ALPL: variants seen among roughly 807,000 people sequenced by gnomAD.
ALPL encodes alkaline phosphatase, biomineralization associated.
A neutral mutation model predicts 51.3 loss-of-function variants in ALPL; 42 were observed. The ratio of observed to expected loss-of-function variants is 0.82; its 90% CI spans 0.64 to 1.06. The LOEUF (loss-of-function observed/expected upper bound fraction) is 1.06, where lower values mean the gene tolerates loss of function less well. Among genes scored for constraint, ALPL ranks in the 50% least tolerant of loss-of-function variants. ALPL has a pLI of 0.00. For missense variants in ALPL, 589 were observed against 709.4 expected (o/e 0.83, Z 1.93); for synonymous variants, 279 against 296.4 (o/e 0.94, Z 0.60).
chr1:21,552,106 T>TACTCC (rs1644335078), intron 1 of ALPL, among the ~76,000 whole-genome samples: 1 of 33,814 alleles, frequency 3.0e-5, no homozygotes, highest in African/African-American at 1.5e-4. Flanking sequence ...CCCTTCCCTT[T>TACTCC]CCTCCCCTTC....
intron 1 of ALPL, among the ~76,000 whole-genome samples, chr1:21,534,893 C>T (rs1212669002): frequency 6.6e-6 from 1 of 152,140 alleles, no homozygotes; most frequent in African/African-American, 2.4e-5. Flanking sequence ...CTTGGTGAGA[C>T]CTTCTCTGAT....
Position 21,554,339 on chromosome 1 carries a change from T to TATAC in ALPL, c.61+198_61+199insTACA, listed in dbSNP as rs1553410745. 2.2e-3 allele frequency among the ~76,000 whole-genome samples: 325 copies of TATAC among 149,628 alleles called. 4 individuals are homozygous for TATAC. The East Asian group carries it at 0.022, about 10-fold the overall frequency. ...CACTCTTTTCCCATATATATATATA[T>TATAC]ACACACATACACATATATGAAATAT... is the stretch of plus-strand genomic sequence containing the variant. On this transcript the variant is annotated intron_variant, in intron 2 of 11. Coordinates refer to ENST00000374840, the MANE Select transcript of ALPL (RefSeq NM_000478.6).
chr1:21,554,831 T>C (rs556640272), intron 2 of ALPL, among the ~76,000 whole-genome samples: 2 of 131,736 alleles, frequency 1.5e-5, no homozygotes, highest in Non-Finnish European at 3.2e-5. Context: ...CTTTCTTTCT[T>C]TCTTTCTTTC....
chr1:21,558,955 C>A (rs1183058008), intron 2 of ALPL, among the ~76,000 whole-genome samples: 1 of 152,228 alleles, frequency 6.6e-6, no homozygotes, highest in Non-Finnish European at 1.5e-5. Flanking sequence ...TGGTGCCCAC[C>A]TGCCAAGGCA....
At chr1:21,539,026 C>G (rs1644147055) in intron 1 of ALPL, among the ~76,000 whole-genome samples, 1 of 152,218 alleles carries the variant, frequency 6.6e-6, no homozygotes, top group Non-Finnish European at 1.5e-5. Context: ...AATCAAATAG[C>G]AGCTGCACGC....
intron 1 of ALPL, among the ~76,000 whole-genome samples, chr1:21,539,804 G>A (rs1241031634): frequency 2.0e-5 from 3 of 151,956 alleles, no homozygotes; most frequent in African/African-American, 4.8e-5. Context: ...ACAGGTGCCC[G>A]CCACCCAGCC....
rs1558547400 is a variant in ALPL, at chr1:21,560,759, G to A, written c.181+14G>A. On this transcript the variant is annotated intron_variant, in intron 3 of 11. Coordinates refer to ENST00000374840, the MANE Select transcript of ALPL (RefSeq NM_000478.6). Reference sequence around the variant, plus strand: ...TCCTGGGAGATGGTGAGGCCCAGGGGCCTGTGGGAGGGGTGGAACAGGACA... The same window carrying A: ...TCCTGGGAGATGGTGAGGCCCAGGGACCTGTGGGAGGGGTGGAACAGGACA... The A allele has an allele frequency of 1.9e-6, 3 of 1,614,032 alleles. No homozygotes were observed. Among genetic ancestry groups the A allele is most frequent in the Non-Finnish European group, 2.5e-6 (3 of 1,179,996 alleles).
chr1:21,553,947 A>G, intron 1 of ALPL, 31 bp from the exon 2 acceptor site: 1 of 768,968 alleles, frequency 1.3e-6, no homozygotes, highest in Non-Finnish European at 2.3e-6. Context: ...TGTGCCCCAC[A>G]TGCCTCTTTT....
rs866215694 is a variant in ALPL at position 21,509,684 on chromosome 1, G to T, written c.-105+167G>T. ...GCCCATTCGGGACGCCCTGCAATTGGTCCTGCCCCTGTCCTCCCGCGCATC... is the reference window on the plus strand; with the variant it reads ...GCCCATTCGGGACGCCCTGCAATTGTTCCTGCCCCTGTCCTCCCGCGCATC... On this transcript the variant is annotated intron_variant, in intron 1 of 11. Transcript: ENST00000374840. This position sits in a 1 kb window ranked among gnomAD's most constrained non-coding sequence, Gnocchi z 6.0. Among the ~76,000 whole-genome samples the T allele has an allele frequency of 3.3e-5, 5 of 152,276 alleles. No homozygotes were observed. Among genetic ancestry groups the T allele is most frequent in the Middle Eastern group, 3.4e-3 (1 of 294 alleles).
intron 1 of ALPL, among the ~76,000 whole-genome samples, chr1:21,526,769 T>C (rs1643948789): frequency 6.6e-6 from 1 of 152,222 alleles, no homozygotes; most frequent in South Asian, 2.1e-4. Flanking sequence ...GTATTTTGTT[T>C]CTACCATCCT....
intron 1 of ALPL, among the ~76,000 whole-genome samples, chr1:21,548,470 G>A (rs1644281101): frequency 6.6e-6 from 1 of 152,236 alleles, no homozygotes; most frequent in Admixed American, 6.5e-5. Flanking sequence ...GCTACCATGT[G>A]CAAGGGCTCG....
chr1:21,516,698 A>G (rs977245610), intron 1 of ALPL, among the ~76,000 whole-genome samples: 1 of 152,224 alleles, frequency 6.6e-6, no homozygotes, highest in African/African-American at 2.4e-5. Flanking sequence ...TTATCTTAAA[A>G]CCATCCAATA....
intron 8 of ALPL, 55 bp downstream of exon 8, chr1:21,570,429 C>G (rs1253553956): frequency 2.5e-6 from 4 of 1,572,912 alleles, no homozygotes; most frequent in Non-Finnish European, 3.5e-6. Context: ...GTGGCCGGAG[C>G]TGCGTGTGGC....
intron 1 of ALPL, among the ~76,000 whole-genome samples, chr1:21,523,650 G>A (rs578003312): frequency 6.6e-6 from 1 of 152,290 alleles, no homozygotes; most frequent in African/African-American, 2.4e-5. Context: ...CCCTGCCTGG[G>A]GCAGCCCAGC....
chr1:21,563,392 C>T (rs1644515098), intron 5 of ALPL, 108 bp downstream of exon 5: 3 of 1,336,430 alleles, frequency 2.2e-6, no homozygotes, highest in East Asian at 2.5e-5. Context: ...CTCTGTGGGG[C>T]TCCCAGCTCT....
chr1:21,542,612 C>T (rs184102729), intron 1 of ALPL, among the ~76,000 whole-genome samples: 2 of 152,160 alleles, frequency 1.3e-5, no homozygotes, highest in Admixed American at 6.5e-5. Flanking sequence ...GAGGCCGAGG[C>T]GGGCGGATCA....
At chr1:21,554,791 G>GTCTT (rs1644379199) in intron 2 of ALPL, among the ~76,000 whole-genome samples, 3 of 40,036 alleles carry the variant, frequency 7.5e-5, no homozygotes, top group African/African-American at 3.7e-4. Flanking sequence ...CGCCTGGCCT[G>GTCTT]TCTGTCTGTC....
rs1644751794 is a variant in ALPL at position 21,577,369 on chromosome 1, C to A, written c.1310-14C>A. The A allele has an allele frequency of 5.0e-6, 8 of 1,613,158 alleles. No homozygotes were observed. The East Asian group carries it at 1.6e-4, about 31-fold the overall frequency. ...CCTGGCAGGCTCTCAGCAGGTGTTT[C>A]CCCTGGCCCACAGCTCACAACAACT... On this transcript the variant is annotated splice_polypyrimidine_tract_variant and intron_variant, in intron 11 of 11. Transcript: ENST00000374840.
intron 2 of ALPL, among the ~76,000 whole-genome samples, chr1:21,554,789 CTGT>C (rs1644378815): frequency 2.6e-5 from 1 of 38,550 alleles, no homozygotes; most frequent in Non-Finnish European, 5.1e-5. Flanking sequence ...CGCGCCTGGC[CTGT>C]CTGTCTGTCT....
Sources: allele counts gnomAD v4.1 joint callset (sites outside exome capture counted in the v4.1 genomes callset), GRCh38; gene constraint gnomAD v4.1.1; non-coding constraint Gnocchi (gnomAD v3.1); transcripts MANE v1.5; gene names NCBI Gene and HGNC (gene_info 2026-07-23, HGNC 2026-07-21).